The following NCKAP5 variants were observed in gnomAD, a reference collection of about 807,000 sequenced individuals.
NCKAP5 encodes the protein NCK associated protein 5, also known as nck-associated protein 5.
A neutral mutation model predicts 167.0 loss-of-function variants in NCKAP5; 92 were observed. The ratio of observed to expected loss-of-function variants is 0.55; its 90% CI spans 0.47 to 0.66. NCKAP5 has a LOEUF of 0.66. NCKAP5 is among the 30% of genes least tolerant of loss of function. NCKAP5 has a pLI of 0.00. For missense variants in NCKAP5, 2,378 were observed against 2,315.0 expected (o/e 1.03, Z -0.56); for synonymous variants, 891 against 877.4 (o/e 1.02, Z -0.27).
At chr2:133,008,513 T>A (rs532878980) in intron 6 of NCKAP5, among the ~76,000 whole-genome samples, 1 of 152,310 alleles carries the variant, frequency 6.6e-6, no homozygotes, top group South Asian at 2.1e-4. Context: ...GCAAAAAACT[T>A]TATAACCTTC....
At chr2:133,597,673 C>CAAAAAAAAAAA in the NCKAP5 span, among the ~76,000 whole-genome samples, 52 of 61,106 alleles carry the variant, frequency 8.5e-4, no homozygotes, top group African/African-American at 1.6e-3. Context: ...GACTCTGTCT[C>CAAAAAAAAAAA]AAAAAAAAAA....
intron 5 of NCKAP5, among the ~76,000 whole-genome samples, chr2:133,132,286 CA>C (rs67605472): frequency 0.22 from 29,170 of 131,082 alleles, 3,030 homozygotes; most frequent in Middle Eastern, 0.26. Flanking sequence ...GACTCCATCT[CA>C]AAAAAAAAAA....
chr2:132,823,515 A>G (rs1686911355), intron 11 of NCKAP5, among the ~76,000 whole-genome samples: 1 of 152,292 alleles, frequency 6.6e-6, no homozygotes, highest in Non-Finnish European at 1.5e-5. Context: ...AGAATTCATC[A>G]CAACTCAGTC....
the NCKAP5 span, among the ~76,000 whole-genome samples, chr2:133,616,618 T>G: frequency 7.9e-5 from 12 of 152,080 alleles, no homozygotes; most frequent in Admixed American, 5.9e-4. Flanking sequence ...GTTGAATCTC[T>G]GAATAGACCA....
At chr2:132,844,266 C>G (rs1181938897) in intron 11 of NCKAP5, among the ~76,000 whole-genome samples, 1 of 151,970 alleles carries the variant, frequency 6.6e-6, no homozygotes, top group Non-Finnish European at 1.5e-5. Flanking sequence ...TCTTGATTTG[C>G]TTTTAATTTA....
chr2:132,794,343 G>C (rs1684398181), intron 12 of NCKAP5, among the ~76,000 whole-genome samples: 1 of 147,076 alleles, frequency 6.8e-6, no homozygotes, highest in Non-Finnish European at 1.5e-5. Flanking sequence ...GAGAGAGACA[G>C]AGACAGAGGC....
At chr2:133,054,305 G>T (rs983659308) in intron 6 of NCKAP5, among the ~76,000 whole-genome samples, 2 of 152,166 alleles carry the variant, frequency 1.3e-5, no homozygotes, top group Non-Finnish European at 2.9e-5. Flanking sequence ...GAGAGAACCT[G>T]TACAGAAATA....
intron 3 of NCKAP5, among the ~76,000 whole-genome samples, chr2:133,329,096 T>A (rs1454145622): frequency 6.6e-6 from 1 of 152,204 alleles, no homozygotes; most frequent in Non-Finnish European, 1.5e-5. Context: ...TCTATTAAGC[T>A]TTCAGAAAGA....
intron 1 of NCKAP5, among the ~76,000 whole-genome samples, chr2:133,566,072 G>T (rs948809274): frequency 6.6e-5 from 10 of 152,104 alleles, no homozygotes; most frequent in African/African-American, 2.4e-4. Flanking sequence ...AAGGCCCCCC[G>T]CCCCTAGGTA....
At chr2:133,618,019 T>C in the NCKAP5 span, among the ~76,000 whole-genome samples, 8 of 151,966 alleles carry the variant, frequency 5.3e-5, no homozygotes, top group Non-Finnish European at 1.0e-4. Flanking sequence ...AACTATCTGA[T>C]CTTTGACAAA....
At chr2:133,344,351 T>G (rs1483740173) in intron 3 of NCKAP5, among the ~76,000 whole-genome samples, 1 of 146,790 alleles carries the variant, frequency 6.8e-6, no homozygotes, top group Non-Finnish European at 1.5e-5. Context: ...GAAGTTGTAG[T>G]GAGCTGAGAT....
intron 8 of NCKAP5, among the ~76,000 whole-genome samples, chr2:132,888,579 T>A (rs940681124): frequency 6.6e-6 from 1 of 152,050 alleles, no homozygotes; most frequent in Non-Finnish European, 1.5e-5. Flanking sequence ...TTAGTAGAGA[T>A]GGGACTTCAC....
chr2:132,909,188 A>C (rs531515659), intron 8 of NCKAP5, among the ~76,000 whole-genome samples: 1 of 152,244 alleles, frequency 6.6e-6, no homozygotes, highest in South Asian at 2.1e-4. Flanking sequence ...CTCTACAAAA[A>C]TGCACAAATT....
chr2:133,669,128 C>CT, the NCKAP5 span, among the ~76,000 whole-genome samples: 1 of 152,158 alleles, frequency 6.6e-6, no homozygotes, highest in Non-Finnish European at 1.5e-5. Flanking sequence ...AGTGACTAGG[C>CT]TACTGGTTTG....
the NCKAP5 span, among the ~76,000 whole-genome samples, chr2:133,654,377 CAAATAAATAAATAAAT>C: frequency 6.8e-6 from 1 of 146,682 alleles, no homozygotes; most frequent in African/African-American, 2.6e-5. Flanking sequence ...GACTCTATCT[CAAATAAATAAATAAAT>C]AAATAAATAA....
At chr2:133,244,799 A>C (rs1431815840) in intron 4 of NCKAP5, among the ~76,000 whole-genome samples, 1 of 152,134 alleles carries the variant, frequency 6.6e-6, no homozygotes, top group Non-Finnish European at 1.5e-5. Context: ...TTCATACCAC[A>C]AACAAAACTC....
intron 3 of NCKAP5, among the ~76,000 whole-genome samples, chr2:133,381,752 G>C (rs1010494904): frequency 6.6e-6 from 1 of 152,202 alleles, no homozygotes; most frequent in African/African-American, 2.4e-5. Context: ...TAAAGCCATA[G>C]CAGCCACTGG....
At chr2:133,583,951 T>C in the NCKAP5 span, among the ~76,000 whole-genome samples, 1 of 152,182 alleles carries the variant, frequency 6.6e-6, no homozygotes, top group African/African-American at 2.4e-5. Flanking sequence ...AGACGGGGTT[T>C]CACCGTGTTA....
chr2:133,485,128 G>A (rs939946232), intron 3 of NCKAP5, among the ~76,000 whole-genome samples: 1 of 152,102 alleles, frequency 6.6e-6, no homozygotes. Flanking sequence ...TAAAAGTAGG[G>A]AATGAGACAA....
Sources: gnomAD v4.1 joint callset for allele counts (sites outside exome capture counted in the v4.1 genomes callset) on GRCh38, gnomAD v4.1.1 for gene constraint, MANE v1.5 for transcripts, NCBI Gene and HGNC (gene_info 2026-07-23, HGNC 2026-07-21) for gene names.